RNF144A: variants seen among roughly 807,000 people sequenced by gnomAD.
The protein encoded by RNF144A is ring finger protein 144A.
Under a neutral mutation model 38.7 loss-of-function variants are expected in RNF144A, and 11 were observed. That is an observed-to-expected ratio of 0.28 (90% confidence interval 0.18 to 0.47). The LOEUF (loss-of-function observed/expected upper bound fraction) is 0.47, where lower values mean the gene tolerates loss of function less well. Among genes scored for constraint, RNF144A ranks in the 20% least tolerant of loss-of-function variants. The pLI is 0.99. For missense variants in RNF144A, 316 were observed against 377.2 expected, an observed-to-expected ratio of 0.84 and a Z score of 1.34; for synonymous variants, 149 against 143.9, an observed-to-expected ratio of 1.04 and a Z score of -0.25.
At chr2:6,937,899 C>T (rs911832470) in intron 1 of RNF144A, among the ~76,000 whole-genome samples, 1 of 152,146 alleles carries the variant, frequency 6.6e-6, no homozygotes, top group African/African-American at 2.4e-5. Context: ...GGAGCAGTAA[C>T]GAGGGAATAT....
At chr2:6,937,131 C>T (rs1388058796) in intron 1 of RNF144A, among the ~76,000 whole-genome samples, 1 of 152,196 alleles carries the variant, frequency 6.6e-6, no homozygotes, top group African/African-American at 2.4e-5. Context: ...ACTGACCACT[C>T]CATACCGGTG....
chr2:6,975,037 GATTTTTAAAT>G (rs1668225206), intron 2 of RNF144A, among the ~76,000 whole-genome samples: 1 of 152,014 alleles, frequency 6.6e-6, no homozygotes, highest in African/African-American at 2.4e-5. Context: ...AAATCTTTGT[GATTTTTAAAT>G]ATTCATGTGT....
At chr2:6,991,193 A>G (rs1024233646) in intron 2 of RNF144A, among the ~76,000 whole-genome samples, 4 of 152,216 alleles carry the variant, frequency 2.6e-5, no homozygotes, top group African/African-American at 9.6e-5. Flanking sequence ...CTGGGAAACT[A>G]GGAGTGTGAT....
At chr2:6,946,339 A>T (rs1572240887) in intron 2 of RNF144A, among the ~76,000 whole-genome samples, 2 of 152,228 alleles carry the variant, frequency 1.3e-5, no homozygotes, top group Admixed American at 6.5e-5. Flanking sequence ...TCTTGCCTTT[A>T]TAATTTGTTA....
At chr2:7,028,770 A>T (rs905902291) in intron 7 of RNF144A, among the ~76,000 whole-genome samples, 5 of 152,170 alleles carry the variant, frequency 3.3e-5, no homozygotes, top group African/African-American at 1.2e-4. Context: ...TAGAAGAGAA[A>T]GGTGTGGCCA....
intron 2 of RNF144A, among the ~76,000 whole-genome samples, chr2:6,983,781 G>A (rs1033531882): frequency 6.6e-6 from 1 of 152,084 alleles, no homozygotes; most frequent in Admixed American, 6.5e-5. Flanking sequence ...GCAAATGATG[G>A]TGACCCTCCT....
intron 6 of RNF144A, among the ~76,000 whole-genome samples, chr2:7,059,242 G>A (rs1423193463): frequency 1.3e-5 from 2 of 152,156 alleles, no homozygotes; most frequent in African/African-American, 4.8e-5. Flanking sequence ...AGCTACTTGG[G>A]AGGCTGAGGC....
chr2:6,993,277 C>T (rs1256970199), intron 2 of RNF144A, among the ~76,000 whole-genome samples: 1 of 152,110 alleles, frequency 6.6e-6, no homozygotes, highest in Non-Finnish European at 1.5e-5. Context: ...TCAAATCCAG[C>T]TCATGGGGCT....
chr2:6,940,754 A>AC, intron 1 of RNF144A, among the ~76,000 whole-genome samples, 194 bp from the exon 2 acceptor site: 1 of 149,924 alleles, frequency 6.7e-6, no homozygotes, highest in African/African-American at 2.5e-5. Flanking sequence ...TTATTCATTA[A>AC]CTTCTTGGTG....
intron 5 of RNF144A, 119 bp from the exon 6 acceptor site, chr2:7,020,354 G>T: frequency 1.2e-6 from 1 of 835,268 alleles, no homozygotes; most frequent in Non-Finnish European, 1.9e-6. Context: ...GGCTGGTGGT[G>T]CTGGCTGTAT....
chr2:7,038,110 C>G (rs116604696), intron 8 of RNF144A, among the ~76,000 whole-genome samples: 2,299 of 152,280 alleles, frequency 0.015, 56 homozygotes, highest in African/African-American at 0.053. Context: ...TAGGGATAAA[C>G]ATGTTTTCAA....
intron 2 of RNF144A, among the ~76,000 whole-genome samples, chr2:6,961,357 G>A (rs1375306833): frequency 2.0e-5 from 3 of 151,746 alleles, no homozygotes; most frequent in Non-Finnish European, 2.9e-5. Flanking sequence ...GGGTGGAGGC[G>A]TTTTATTTTC....
intron 3 of RNF144A, among the ~76,000 whole-genome samples, chr2:7,010,367 C>T (rs1352880571): frequency 1.3e-5 from 2 of 152,208 alleles, no homozygotes; most frequent in Non-Finnish European, 2.9e-5. Context: ...GCTTTTGCTG[C>T]TTCAATTTGG....
intron 6 of RNF144A, 32 bp from the exon 7 acceptor site, chr2:7,024,337 T>G (rs1311659977): frequency 6.4e-7 from 1 of 1,568,170 alleles, no homozygotes; most frequent in East Asian, 2.3e-5. Context: ...GGGATCCGTT[T>G]GTGCAGAGTC....
At chr2:6,929,913 G>A (rs1035551993) in intron 1 of RNF144A, among the ~76,000 whole-genome samples, 1 of 152,198 alleles carries the variant, frequency 6.6e-6, no homozygotes, top group Non-Finnish European at 1.5e-5. Context: ...ATGATGAAGT[G>A]GGTCCTGCTG....
rs1672963056 is a variant in RNF144A at position 7,040,205 on chromosome 2, A to G, written c.*445A>G. The G allele has an allele frequency of 1.0e-6, 1 of 987,312 alleles. No homozygotes were observed. The highest frequency in any genetic ancestry group is 1.1e-4 in the East Asian group (1 of 8,866). 61.2% of individuals were successfully genotyped at this position (987,312 alleles called of 1,614,324 possible). On this transcript the variant is annotated 3_prime_UTR_variant, in exon 9 of 9. Coordinates refer to ENST00000320892, the MANE Select transcript of RNF144A (RefSeq NM_014746.6). ...TGAGAGAAGCACTCTGTTTATGACA[A>G]CTGTTTTTATTACTAATGGCATTTA...
intron 8 of RNF144A, among the ~76,000 whole-genome samples, chr2:7,039,387 A>T (rs1558456012): frequency 6.6e-6 from 1 of 151,410 alleles, no homozygotes; most frequent in Non-Finnish European, 1.5e-5. Flanking sequence ...TGATGGTTAG[A>T]TGGGTAGATG....
chr2:7,049,451 G>A (rs577696273), intron 6 of RNF144A, among the ~76,000 whole-genome samples: 95 of 152,254 alleles, frequency 6.2e-4, no homozygotes, highest in African/African-American at 2.2e-3. Context: ...GAAAACCTCT[G>A]GAGATTTTGT....
intron 2 of RNF144A, among the ~76,000 whole-genome samples, chr2:6,979,414 C>T (rs1232066380): frequency 2.0e-5 from 3 of 152,276 alleles, no homozygotes; most frequent in Admixed American, 2.0e-4. Context: ...TCTCTGCATC[C>T]TAGCCAACTA....
Sources: allele counts gnomAD v4.1 joint callset (sites outside exome capture counted in the v4.1 genomes callset), GRCh38; gene constraint gnomAD v4.1.1; transcripts MANE v1.5; gene names NCBI Gene and HGNC (gene_info 2026-07-23, HGNC 2026-07-21).